KIF16B: variants seen among roughly 807,000 people sequenced by gnomAD.
The protein encoded by KIF16B is kinesin-like protein KIF16B.
In KIF16B, 98 loss-of-function variants were observed where a neutral mutation model predicts 156.3. The ratio of observed to expected loss-of-function variants is 0.63; its 90% confidence interval spans 0.53 to 0.74. The LOEUF is 0.74. KIF16B is among the 30% of genes least tolerant of loss of function. The pLI, the probability that KIF16B is intolerant of heterozygous loss-of-function variation, is 0.00. For synonymous variants in KIF16B, 564 were observed against 583.7 expected (o/e 0.97, Z 0.49); for missense variants, 1,421 against 1,606.5 (o/e 0.88, Z 1.97).
At chr20:16,555,819 G>A (rs1042889334) in intron 1 of KIF16B, among the ~76,000 whole-genome samples, 1 of 152,130 alleles carries the variant, frequency 6.6e-6, no homozygotes, top group African/African-American at 2.4e-5. Context: ...AGGAATTCAA[G>A]CCAAGATCAA....
intron 15 of KIF16B, among the ~76,000 whole-genome samples, chr20:16,412,083 T>C (rs1192912272): frequency 6.6e-6 from 1 of 151,708 alleles, no homozygotes; most frequent in African/African-American, 2.4e-5. Flanking sequence ...TGCTGACTTC[T>C]AATGGCCAAG....
At chr20:16,423,061 T>C (rs956954033) in intron 15 of KIF16B, among the ~76,000 whole-genome samples, 6 of 152,024 alleles carry the variant, frequency 3.9e-5, no homozygotes, top group Non-Finnish European at 8.8e-5. Flanking sequence ...GAAATAGATA[T>C]AATGCTGTAT....
At chr20:16,397,545 C>A (rs571719174) in intron 17 of KIF16B, among the ~76,000 whole-genome samples, 1 of 152,168 alleles carries the variant, frequency 6.6e-6, no homozygotes, top group African/African-American at 2.4e-5. Flanking sequence ...TAGTAGATGG[C>A]CTGCTGAACA....
intron 3 of KIF16B, among the ~76,000 whole-genome samples, chr20:16,519,700 GA>G (rs1399697301): frequency 6.6e-6 from 1 of 152,218 alleles, no homozygotes; most frequent in African/African-American, 2.4e-5. Flanking sequence ...CAAACTGCAA[GA>G]AACAAGTACT....
At chr20:16,454,314 T>C (rs2067158943) in intron 12 of KIF16B, among the ~76,000 whole-genome samples, 2 of 150,746 alleles carry the variant, frequency 1.3e-5, no homozygotes, top group Middle Eastern at 3.2e-3. Context: ...GCTCCTACTA[T>C]AGCATACCAG....
chr20:16,467,055 A>T (rs998886083), intron 12 of KIF16B, among the ~76,000 whole-genome samples: 3 of 152,212 alleles, frequency 2.0e-5, no homozygotes, highest in African/African-American at 7.2e-5. Context: ...TGTTCTTGCT[A>T]ACAAGGTTTG....
chr20:16,505,748 C>G lies in KIF16B; in HGVS notation c.974G>C (p.Gly325Ala). 6.2e-7 allele frequency: 1 copy of G among 1,613,674 alleles called. No homozygotes were observed. Among genetic ancestry groups the G allele is most frequent in the South Asian group, 1.1e-5 (1 of 91,048 alleles). Residue 325 changes from glycine (G) to alanine (A), a missense_variant, in exon 9 of 26, where the codon GGA becomes GCA. Gly to Ala is a moderately conservative substitution (Grantham distance 60). Coordinates refer to ENST00000354981, the MANE Select transcript of KIF16B (RefSeq NM_024704.5). ...LTWLLKDSLGGNSKTIMIATI... is the reference protein window; with the variant it reads ...LTWLLKDSLGANSKTIMIATI... ...GGCAATCATGATAGTTTTAGAGTTT[C>G]CTCCAAGGCTATCTTTTAACAACCA...
chr20:16,440,495 C>T (rs1166863094), intron 12 of KIF16B, among the ~76,000 whole-genome samples: 1 of 147,662 alleles, frequency 6.8e-6, no homozygotes, highest in Non-Finnish European at 1.5e-5. Flanking sequence ...TAAAACAATC[C>T]ATATTACAAT....
At chr20:16,287,655 T>C (rs984084517) in intron 25 of KIF16B, among the ~76,000 whole-genome samples, 2 of 152,230 alleles carry the variant, frequency 1.3e-5, no homozygotes, top group African/African-American at 2.4e-5. Context: ...TTAAAATCCA[T>C]GTGATATTCA....
intron 15 of KIF16B, among the ~76,000 whole-genome samples, chr20:16,409,984 TATATATATGTAGGTAC>T (rs1568947949): frequency 6.0e-5 from 7 of 117,306 alleles, no homozygotes; most frequent in Non-Finnish European, 1.0e-4. Flanking sequence ...TATATATATA[TATATATATGTAGGTAC>T]ATATATATAT....
At chr20:16,453,104 C>T in intron 12 of KIF16B, among the ~76,000 whole-genome samples, 2 of 115,434 alleles carry the variant, frequency 1.7e-5, no homozygotes, top group Middle Eastern at 8.7e-3. Context: ...CCTATCTTTA[C>T]CAAAAAAAAA....
intron 1 of KIF16B, among the ~76,000 whole-genome samples, chr20:16,558,342 G>A (rs1200915952): frequency 6.6e-6 from 1 of 152,164 alleles, no homozygotes; most frequent in African/African-American, 2.4e-5. Flanking sequence ...CCCTGCATCC[G>A]GCGTGGCCAT....
Position 16,378,946 on chromosome 20 carries a change from A to G in KIF16B, c.3056T>C (p.Leu1019Pro), listed in dbSNP as rs1255645121. ...CATGCCCAGGGTGGAGTGCCTCTGCAGCGCAGAATGTCTCCTCTCCAGCCT... is the reference window on the plus strand; with the variant it reads ...CATGCCCAGGGTGGAGTGCCTCTGCGGCGCAGAATGTCTCCTCTCCAGCCT... ...LARLERRHSALQRHSTLGMEI... is the reference protein window; with the variant it reads ...LARLERRHSAPQRHSTLGMEI... Residue 1019 changes from leucine (L) to proline (P), a missense_variant, in exon 19 of 26, where the codon CTG becomes CCG. By Grantham distance (98) the Leu-to-Pro change is moderately conservative. Coordinates refer to ENST00000354981, the MANE Select transcript of KIF16B (RefSeq NM_024704.5). 2 of 1,614,084 alleles carry G rather than the reference A, an allele frequency of 1.2e-6. No individual in the cohort carries two copies. The highest frequency in any genetic ancestry group is 1.7e-6 in the Non-Finnish European group (2 of 1,179,958).
At chr20:16,324,436 G>T (rs1325756761) in intron 24 of KIF16B, among the ~76,000 whole-genome samples, 1 of 151,950 alleles carries the variant, frequency 6.6e-6, no homozygotes. Flanking sequence ...ATGAAAACTG[G>T]ACTATTCAGT....
Position 16,449,145 on chromosome 20 carries a change from G to A in KIF16B, c.1303-19163C>T, listed in dbSNP as rs570654358. ...CGTAATGGGAACTGCAGAGGAAAGC[G>A]AAAGAATAAATGAGGGACAAGCTAC... On this transcript the variant is annotated intron_variant, in intron 12 of 25. Transcript: ENST00000354981. Among the ~76,000 whole-genome samples, 10 of 152,146 alleles carry A rather than the reference G, an allele frequency of 6.6e-5. No homozygotes were observed. In the South Asian group the frequency reaches 1.5e-3, roughly 22 times the overall value.
chr20:16,516,824 G>T (rs6044051), intron 3 of KIF16B, among the ~76,000 whole-genome samples: 36,273 of 152,138 alleles, frequency 0.24, 4,947 homozygotes, highest in East Asian at 0.36. Context: ...CCAGCCCAGT[G>T]AAATATGAAT....
intron 1 of KIF16B, among the ~76,000 whole-genome samples, chr20:16,551,861 A>G (rs561523036): frequency 1.3e-5 from 2 of 152,242 alleles, no homozygotes; most frequent in African/African-American, 4.8e-5. Flanking sequence ...CAGCTACAGG[A>G]GGGCAAAGGA....
At chr20:16,476,284 G>T (rs570068194) in intron 12 of KIF16B, among the ~76,000 whole-genome samples, 1 of 152,212 alleles carries the variant, frequency 6.6e-6, no homozygotes, top group African/African-American at 2.4e-5. Context: ...TCCCATAATT[G>T]GGATTGCCAA....
intron 1 of KIF16B, among the ~76,000 whole-genome samples, chr20:16,547,868 A>C (rs905894124): frequency 1.3e-5 from 2 of 152,072 alleles, no homozygotes; most frequent in Non-Finnish European, 2.9e-5. Context: ...GGGACCCCCA[A>C]CCCTGGAGTT....
Sources: gnomAD v4.1 joint callset for allele counts (sites outside exome capture counted in the v4.1 genomes callset) on GRCh38, gnomAD v4.1.1 for gene constraint, MANE v1.5 for transcripts, NCBI Gene and HGNC (gene_info 2026-07-23, HGNC 2026-07-21) for gene names.